The following TRIP13 variants were observed in gnomAD, a reference collection of about 807,000 sequenced individuals.
The protein encoded by TRIP13 is pachytene checkpoint protein 2 homolog.
In TRIP13, 25 loss-of-function variants were observed where a neutral mutation model predicts 54.4. That is an observed-to-expected ratio of 0.46 (90% CI 0.33 to 0.64). The LOEUF (loss-of-function observed/expected upper bound fraction) is 0.64. Among genes scored for constraint, TRIP13 ranks in the 30% least tolerant of loss-of-function variants. The pLI, the probability that TRIP13 is intolerant of heterozygous loss-of-function variation, is 0.02. For synonymous variants in TRIP13, 207 were observed against 207.8 expected (o/e 1.00, Z 0.03); for missense variants, 373 against 534.2 (o/e 0.70, Z 2.97).
At chr5:904,277 G>GTTT in intron 6 of TRIP13, 57 bp downstream of exon 6, 2 of 1,408,176 alleles carry the variant, frequency 1.4e-6, no homozygotes, top group Non-Finnish European at 1.9e-6. Flanking sequence ...ATAACGGGAG[G>GTTT]TTGTTTTTTT....
Position 912,485 on chromosome 5 carries a change from G to A in TRIP13, c.1020+489G>A, listed in dbSNP as rs1326985263. Among the ~76,000 whole-genome samples, 3 of 152,070 alleles carry A rather than the reference G, an allele frequency of 2.0e-5. No individual in the cohort carries two copies. The highest frequency in any genetic ancestry group is 2.9e-5 in the Non-Finnish European group (2 of 68,000). On this transcript the variant is annotated intron_variant, in intron 10 of 12. Coordinates refer to ENST00000166345, the MANE Select transcript of TRIP13 (RefSeq NM_004237.4). The surrounding 1 kb of genome is among the most constrained non-coding windows in gnomAD (Gnocchi z 7.2). ...GGAACACTGTTGCCGTGGGCAGAGC[G>A]ACGCGTGCGGGTTGTGTGTGTGAGT...
chr5:916,904 C>G, intron 12 of TRIP13, 104 bp from the exon 13 acceptor site: 2 of 945,642 alleles, frequency 2.1e-6, no homozygotes, highest in East Asian at 2.6e-5. Context: ...CTACCACCCC[C>G]TTCTGTGCTA....
At position 915,803 on chromosome 5, in the gene TRIP13, C is replaced by A; in HGVS notation, c.1134-101C>A. 2.3e-6 allele frequency: 3 copies of A among 1,279,598 alleles called. No individual in the cohort carries two copies. Among genetic ancestry groups the A allele is most frequent in the Non-Finnish European group, 3.4e-6 (3 of 881,878 alleles). 79.3% of individuals were successfully genotyped at this position (1,279,598 alleles called of 1,614,324 possible). Reference sequence around the variant, plus strand: ...AACCCAGGGTGTGCTTGGGACGCCTCGGCTTGTGTTCCCAGGGATGCCTCG... The same window carrying A: ...AACCCAGGGTGTGCTTGGGACGCCTAGGCTTGTGTTCCCAGGGATGCCTCG... On this transcript the variant is annotated intron_variant, in intron 11 of 12. Transcript: ENST00000166345. The surrounding 1 kb of genome is among the most constrained non-coding windows in gnomAD (Gnocchi z 4.2).
chr5:918,744 C>T (rs935694621), downstream of TRIP13, among the ~76,000 whole-genome samples: 4 of 152,094 alleles, frequency 2.6e-5, no homozygotes, highest in African/African-American at 4.8e-5. The surrounding 1 kb of genome is among the most constrained non-coding windows in gnomAD (Gnocchi z 4.3). Context: ...ACTTGGAGTC[C>T]GATATTTGAG....
intron 6 of TRIP13, among the ~76,000 whole-genome samples, chr5:905,266 T>C (rs1031363105): frequency 2.0e-5 from 3 of 152,116 alleles, no homozygotes; most frequent in African/African-American, 7.2e-5. Context: ...GGTCGGAGTA[T>C]GCACTCCTCT....
chr5:909,169 G>A (rs1432110273), intron 9 of TRIP13, among the ~76,000 whole-genome samples: 1 of 152,152 alleles, frequency 6.6e-6, no homozygotes, highest in African/African-American at 2.4e-5. Context: ...GTGTGCAGAT[G>A]GTCCACGTCT....
chr5:893,381 TGCC>T (rs1753751082), intron 1 of TRIP13, among the ~76,000 whole-genome samples: 3 of 123,042 alleles, frequency 2.4e-5, no homozygotes, highest in African/African-American at 1.3e-4. Flanking sequence ...GCCCTGACCC[TGCC>T]CCTGCCCCGG....
At position 912,651 on chromosome 5, in the gene TRIP13, A is replaced by T. The variant is rs1754263137; in HGVS notation, c.1020+655A>T. Among the ~76,000 whole-genome samples the T allele has an allele frequency of 7.2e-6, 1 of 139,460 alleles. No homozygotes were observed. Among genetic ancestry groups the T allele is most frequent in the African/African-American group, 2.7e-5 (1 of 36,568 alleles). 91.5% of individuals were successfully genotyped at this position (139,460 alleles called of 152,430 possible). A position where few individuals can be genotyped will look rare whatever the true frequency, so the allele number is the denominator to read the frequency against. ...CACGGGCACAATGACATGTGCGGTGAGTGTGAGTCAGTAAGGCCGTCGCCA... is the reference window on the plus strand; with the variant it reads ...CACGGGCACAATGACATGTGCGGTGTGTGTGAGTCAGTAAGGCCGTCGCCA... On this transcript the variant is annotated intron_variant, in intron 10 of 12. Transcript: ENST00000166345. This position sits in a 1 kb window ranked among gnomAD's most constrained non-coding sequence, Gnocchi z 7.2.
Position 894,827 on chromosome 5 carries a change from C to G in TRIP13, c.133C>G (p.Leu45Val). The G allele has an allele frequency of 6.2e-7, 1 of 1,612,408 alleles. No homozygotes were observed. The highest frequency in any genetic ancestry group is 8.5e-7 in the Non-Finnish European group (1 of 1,179,512). Residue 45 changes from leucine (L) to valine (V), a missense_variant, in exon 2 of 13, where the codon CTA (leucine) becomes GTA (valine). By Grantham distance (32) the Leu-to-Val change is conservative. This residue lies in a region of TRIP13 where 151 missense variants were observed against 151.9 expected (regional missense o/e 0.99). Transcript: ENST00000166345. ...AGACATAAACCTGAGTGTTAGAAAG[C>G]TACTCAACAGACATAATATTGTGTT... ...KEDINLSVRK[L>V]LNRHNIVFGD...
intron 1 of TRIP13, among the ~76,000 whole-genome samples, chr5:894,433 A>G (rs1753845173): frequency 1.3e-5 from 2 of 152,228 alleles, no homozygotes; most frequent in Admixed American, 1.3e-4. Context: ...ACAGCTGTGG[A>G]ACTTCATTAG....
intron 5 of TRIP13, among the ~76,000 whole-genome samples, chr5:903,162 G>A (rs1468167202): frequency 3.3e-5 from 5 of 152,092 alleles, no homozygotes; most frequent in East Asian, 3.9e-4. Flanking sequence ...TCCCTTTCCC[G>A]GTCTGCTAAG....
chr5:900,637 A>C (rs1580051626), intron 4 of TRIP13, 88 bp downstream of exon 4: 1 of 1,448,412 alleles, frequency 6.9e-7, no homozygotes, highest in East Asian at 2.4e-5. Flanking sequence ...GAGCAACTTG[A>C]TGCAGATGGG....
Position 915,999 on chromosome 5 carries a change from C to G in TRIP13, c.1203+26C>G, listed in dbSNP as rs753295284. The G allele has an allele frequency of 6.2e-7, 1 of 1,610,764 alleles. No homozygotes were observed. The highest frequency in any genetic ancestry group is 2.2e-5 in the East Asian group (1 of 44,844). On this transcript the variant is annotated intron_variant, in intron 12 of 12. Coordinates refer to ENST00000166345, the MANE Select transcript of TRIP13 (RefSeq NM_004237.4). This position sits in a 1 kb window ranked among gnomAD's most constrained non-coding sequence, Gnocchi z 4.2. ...GTGAGTCTCCACTGCTGTCCTCCAG[C>G]ACCCGCCCTGTCCACAGGTCTCAGC...
chr5:903,216 G>C (rs1013710462), intron 5 of TRIP13, among the ~76,000 whole-genome samples: 3 of 152,120 alleles, frequency 2.0e-5, no homozygotes, highest in Non-Finnish European at 4.4e-5. Flanking sequence ...ATTAGACCAC[G>C]GTCAGCTTGG....
At chr5:918,649 T>C (rs950033210), downstream of TRIP13, among the ~76,000 whole-genome samples, 16 of 152,094 alleles carry the variant, frequency 1.1e-4, no homozygotes, top group Non-Finnish European at 1.8e-4. This position sits in a 1 kb window ranked among gnomAD's most constrained non-coding sequence, Gnocchi z 4.3. Context: ...GTTTATTAAG[T>C]ATTAACTCAC....
chr5:896,919 C>G lies in TRIP13; in HGVS notation c.388+125C>G, dbSNP rs1291335129. 16 of 1,170,386 alleles carry G rather than the reference C, an allele frequency of 1.4e-5. No individual in the cohort carries two copies. In the East Asian group the frequency reaches 3.2e-4, roughly 23 times the overall value. 72.5% of individuals were successfully genotyped at this position (1,170,386 alleles called of 1,614,324 possible). A position where few individuals can be genotyped will look rare whatever the true frequency, so the allele number is the denominator to read the frequency against. On this transcript the variant is annotated intron_variant, in intron 3 of 12. Coordinates refer to ENST00000166345, the MANE Select transcript of TRIP13 (RefSeq NM_004237.4). ...TTTGTAGGATTTTAGGATGTTTTCT[C>G]TCTTATGAAATGGAAAGTATATCAC...
At chr5:895,425 G>A (rs768598270) in intron 2 of TRIP13, among the ~76,000 whole-genome samples, 2 of 152,260 alleles carry the variant, frequency 1.3e-5, no homozygotes, top group Admixed American at 1.3e-4. Context: ...TTGTGTGAGG[G>A]CGTGGAGGCA....
intron 5 of TRIP13, among the ~76,000 whole-genome samples, chr5:903,361 T>C (rs1754037898): frequency 6.6e-6 from 1 of 152,142 alleles, no homozygotes; most frequent in Non-Finnish European, 1.5e-5. Flanking sequence ...CTCCTATCTC[T>C]GTATGGCCTG....
chr5:895,141 T>C (rs1165585223), intron 2 of TRIP13, among the ~76,000 whole-genome samples, 189 bp downstream of exon 2: 2 of 152,158 alleles, frequency 1.3e-5, no homozygotes, highest in Non-Finnish European at 2.9e-5. Flanking sequence ...AGCCCTGATG[T>C]CGGGGTGCTC....
Sources: allele counts gnomAD v4.1 joint callset (sites outside exome capture counted in the v4.1 genomes callset), GRCh38; gene constraint gnomAD v4.1.1; regional missense constraint gnomAD v4.1.1; non-coding constraint Gnocchi (gnomAD v3.1); transcripts MANE v1.5; gene names NCBI Gene and HGNC (gene_info 2026-07-23, HGNC 2026-07-21).